SPART: variants seen among roughly 807,000 people sequenced by gnomAD.
SPART encodes the protein spartin.
A neutral mutation model predicts 58.7 loss-of-function variants in SPART; 35 were observed. The ratio of observed to expected loss-of-function variants is 0.60; its 90% CI spans 0.46 to 0.79. The LOEUF is 0.79. Ranked by LOEUF, SPART falls within the 30% of genes least tolerant of loss-of-function variation. SPART has a pLI of 0.00. For missense variants in SPART, 730 were observed against 786.1 expected (o/e 0.93, Z 0.85); for synonymous variants, 284 against 280.7 (o/e 1.01, Z -0.12).
At chr13:36,353,185 C>T (rs116905246) in intron 1 of SPART, among the ~76,000 whole-genome samples, 1,541 of 152,242 alleles carry the variant, frequency 0.01, 14 homozygotes, top group Non-Finnish European at 0.016. Context: ...AGGAAAAAGG[C>T]TCACCATTCA....
intron 1 of SPART, among the ~76,000 whole-genome samples, chr13:36,368,743 C>T (rs940206905): frequency 1.3e-5 from 2 of 152,208 alleles, no homozygotes; most frequent in Non-Finnish European, 2.9e-5. Context: ...GTGGCTCACG[C>T]CTGTAATCCC....
At chr13:36,307,500 A>G (rs903362626) in intron 8 of SPART, among the ~76,000 whole-genome samples, 1 of 152,148 alleles carries the variant, frequency 6.6e-6, no homozygotes, top group Admixed American at 6.5e-5. Flanking sequence ...CTACAGGAAA[A>G]AAAGTCTATT....
chr13:36,348,019 C>CTTA (rs1415823546), upstream of SPART, among the ~76,000 whole-genome samples: 1 of 152,118 alleles, frequency 6.6e-6, no homozygotes, highest in African/African-American at 2.4e-5. Context: ...GGCTTGGTGG[C>CTTA]TTATGCCTGT....
In SPART at chr13:36,311,995, G is replaced by A; in HGVS notation, c.1733+150C>T. 5 of 707,780 alleles carry A rather than the reference G, an allele frequency of 7.1e-6. No homozygotes were observed. The South Asian group carries it at 7.9e-5, about 11-fold the overall frequency. The allele number at this position is 707,780 out of a possible 1,614,324, so 43.8% of individuals were successfully genotyped here. A position where few individuals can be genotyped will look rare whatever the true frequency, so the allele number is the denominator to read the frequency against. On this transcript the variant is annotated intron_variant, in intron 8 of 8. Coordinates refer to ENST00000438666, the MANE Select transcript of SPART (RefSeq NM_015087.5). Reference sequence around the variant, plus strand: ...CCAGCTACTCGGGAGGCTGAGGCAGGAGAAATGCCTGAACCTGGGAGGTGG... The same window carrying A: ...CCAGCTACTCGGGAGGCTGAGGCAGAAGAAATGCCTGAACCTGGGAGGTGG...
At chr13:36,350,737 A>G (rs1885377179), upstream of SPART, among the ~76,000 whole-genome samples, 2 of 152,212 alleles carry the variant, frequency 1.3e-5, no homozygotes, top group Admixed American at 6.5e-5. Context: ...GAAGAGAACA[A>G]TATTTTGAAA....
At chr13:36,318,908 G>A (rs201943282) in intron 5 of SPART, among the ~76,000 whole-genome samples, 12 of 152,080 alleles carry the variant, frequency 7.9e-5, no homozygotes, top group Non-Finnish European at 7.4e-5. Flanking sequence ...TCGGCTTAGC[G>A]GCTGAAGACT....
chr13:36,365,243 T>TA (rs1218167092), intron 1 of SPART, among the ~76,000 whole-genome samples: 1 of 152,094 alleles, frequency 6.6e-6, no homozygotes, highest in Non-Finnish European at 1.5e-5. Flanking sequence ...ATGGTTAAAG[T>TA]AAAAAAAAAT....
At chr13:36,369,125 A>G (rs1322790966) in intron 1 of SPART, among the ~76,000 whole-genome samples, 2 of 152,194 alleles carry the variant, frequency 1.3e-5, no homozygotes, top group Non-Finnish European at 2.9e-5. Flanking sequence ...CTTTCTTCCA[A>G]GTGTCATCAT....
chr13:36,355,770 G>A (rs1161089091), intron 1 of SPART, among the ~76,000 whole-genome samples: 1 of 152,094 alleles, frequency 6.6e-6, no homozygotes, highest in African/African-American at 2.4e-5. Flanking sequence ...TGGGAAGTGG[G>A]GGTCGAAACA....
At chr13:36,347,979 A>G (rs940491992), upstream of SPART, among the ~76,000 whole-genome samples, 4 of 152,094 alleles carry the variant, frequency 2.6e-5, no homozygotes, top group East Asian at 1.9e-4. Context: ...TTGTATGTCA[A>G]TATTTCTTTA....
intron 5 of SPART, among the ~76,000 whole-genome samples, chr13:36,323,586 T>C (rs12873662): frequency 6.6e-6 from 1 of 152,210 alleles, no homozygotes; most frequent in African/African-American, 2.4e-5. Flanking sequence ...ATATCCCTGG[T>C]TACTCATTTT....
At chr13:36,314,555 T>A in intron 5 of SPART, 134 bp from the exon 6 acceptor site, 2 of 907,948 alleles carry the variant, frequency 2.2e-6, no homozygotes, top group African/African-American at 1.7e-5. Flanking sequence ...TGTCATAAAC[T>A]TTCAAGCTAA....
intron 5 of SPART, among the ~76,000 whole-genome samples, chr13:36,319,012 TAATC>T (rs1260040710): frequency 6.6e-6 from 1 of 152,122 alleles, no homozygotes; most frequent in East Asian, 1.9e-4. Flanking sequence ...GTCCCCTTCT[TAATC>T]AATACGGAGG....
At chr13:36,350,413 G>A (rs1285333085), upstream of SPART, among the ~76,000 whole-genome samples, 6 of 152,208 alleles carry the variant, frequency 3.9e-5, no homozygotes, top group Middle Eastern at 3.4e-3. Flanking sequence ...GATCAATTCC[G>A]GGTTTATTTA....
intron 1 of SPART, among the ~76,000 whole-genome samples, chr13:36,367,223 C>G (rs1253321841): frequency 2.0e-5 from 3 of 152,158 alleles, no homozygotes; most frequent in Non-Finnish European, 4.4e-5. Flanking sequence ...TGCTGGCTAT[C>G]AGAAACTGGG....
At chr13:36,369,609 T>C (rs1159505984) in intron 1 of SPART, 1 of 152,196 alleles carries the variant, frequency 6.6e-6, no homozygotes, top group Non-Finnish European at 1.5e-5. Flanking sequence ...AGGTTTGCCA[T>C]CCTCTACTTT....
In SPART at chr13:36,319,650, C is replaced by T. The variant is rs527588856; in HGVS notation, c.1289-5229G>A. Among the ~76,000 whole-genome samples, 63 of 143,436 alleles carry T rather than the reference C, an allele frequency of 4.4e-4. 2 individuals are homozygous for T. The highest frequency in any genetic ancestry group is 1.4e-3 in the African/African-American group (58 of 40,140). The allele number at this position is 143,436 out of a possible 152,430, so 94.1% of individuals were successfully genotyped here. Reference sequence around the variant, plus strand: ...TGCCAAACCCATATACTCTCATATCCTCAGTACCTGCCTCTACAACCCATT... The same window carrying T: ...TGCCAAACCCATATACTCTCATATCTTCAGTACCTGCCTCTACAACCCATT... On this transcript the variant is annotated intron_variant, in intron 5 of 8. Transcript: ENST00000438666.
At chr13:36,306,162 C>G (rs1408836991) in intron 8 of SPART, among the ~76,000 whole-genome samples, 1 of 152,138 alleles carries the variant, frequency 6.6e-6, no homozygotes, top group Non-Finnish European at 1.5e-5. Flanking sequence ...AATTGGGGGC[C>G]TTCTCACCAG....
chr13:36,345,116 C>A (rs577592139), intron 1 of SPART, among the ~76,000 whole-genome samples: 1 of 152,296 alleles, frequency 6.6e-6, no homozygotes, highest in East Asian at 1.9e-4. Context: ...TTAGAGCTAG[C>A]ACAAGTTGAT....
Sources: gnomAD v4.1 joint callset for allele counts (sites outside exome capture counted in the v4.1 genomes callset) on GRCh38, gnomAD v4.1.1 for gene constraint, MANE v1.5 for transcripts, NCBI Gene and HGNC (gene_info 2026-07-23, HGNC 2026-07-21) for gene names.